The following MZT2B variants were observed in gnomAD, a reference collection of about 807,000 sequenced individuals.
The protein encoded by MZT2B is mitotic spindle organizing protein 2B.
A neutral mutation model predicts 12.1 loss-of-function variants in MZT2B; 11 were observed. That is an observed-to-expected ratio of 0.91 (90% CI 0.57 to 1.50). The LOEUF (loss-of-function observed/expected upper bound fraction) is 1.50, where lower values mean the gene tolerates loss of function less well. Among genes scored for constraint, MZT2B ranks in the 40% most tolerant of loss-of-function variants. MZT2B has a pLI of 0.00. For synonymous variants in MZT2B, 85 were observed against 109.5 expected (o/e 0.78, Z 1.40); for missense variants, 209 against 227.7 (o/e 0.92, Z 0.53).
At chr2:130,195,184 C>G, downstream of MZT2B, 1 of 1,614,072 alleles carries the variant, frequency 6.2e-7, no homozygotes, top group African/African-American at 1.3e-5. Flanking sequence ...TGATCAGCTG[C>G]TCTGGGTGGA....
chr2:130,204,458 A>T, the MZT2B span: 1 of 355,720 alleles, frequency 2.8e-6, no homozygotes, highest in Non-Finnish European at 5.7e-6. Context: ...TGGGAGGTCG[A>T]GGCGGGTGGA....
At chr2:130,201,308 C>T in the MZT2B span, among the ~76,000 whole-genome samples, 1 of 152,210 alleles carries the variant, frequency 6.6e-6, no homozygotes, top group Non-Finnish European at 1.5e-5. Context: ...CTAAAAAATA[C>T]CACTGACTGA....
At chr2:130,195,024 C>G (rs772563328), downstream of MZT2B, 25 of 1,598,606 alleles carry the variant, frequency 1.6e-5, no homozygotes, top group Non-Finnish European at 2.0e-5. Flanking sequence ...TTTCACATTC[C>G]AAGAACTACC....
At chr2:130,199,923 CTG>C in the MZT2B span, among the ~76,000 whole-genome samples, 37 of 152,010 alleles carry the variant, frequency 2.4e-4, no homozygotes, top group East Asian at 4.5e-3. Flanking sequence ...TGATGAAACC[CTG>C]TTTCTACTAA....
downstream of MZT2B, among the ~76,000 whole-genome samples, chr2:130,195,535 A>T (rs1337248171): frequency 1.3e-5 from 2 of 152,240 alleles, no homozygotes; most frequent in Admixed American, 6.5e-5. Flanking sequence ...ACGTGTAGCT[A>T]CATCAAAGGC....
At chr2:130,192,103 TG>T (rs1235817067), downstream of MZT2B, 1 of 1,601,308 alleles carries the variant, frequency 6.2e-7, no homozygotes, top group Non-Finnish European at 8.5e-7. Flanking sequence ...GGGACCACTG[TG>T]GGGGGCTGGT....
At chr2:130,195,137 C>T (rs1240614523), downstream of MZT2B, 1 of 1,613,442 alleles carries the variant, frequency 6.2e-7, no homozygotes, top group Non-Finnish European at 8.5e-7. Flanking sequence ...GGTGTAATGG[C>T]CCCTGGCGTA....
chr2:130,199,360 C>A, the MZT2B span, among the ~76,000 whole-genome samples: 2 of 121,456 alleles, frequency 1.6e-5, no homozygotes, highest in African/African-American at 2.9e-5. Flanking sequence ...GCCTGGGCAA[C>A]GTGGTGAGTC....
chr2:130,196,326 C>T, the MZT2B span: 12 of 1,614,002 alleles, frequency 7.4e-6, no homozygotes, highest in Middle Eastern at 1.6e-4. Flanking sequence ...CAGGCATTGC[C>T]GATCTGGACA....
chr2:130,187,389 G>C (rs531322184), intron 2 of MZT2B, among the ~76,000 whole-genome samples: 6 of 152,136 alleles, frequency 3.9e-5, no homozygotes, highest in Non-Finnish European at 7.3e-5. Flanking sequence ...AGGTCTCACT[G>C]TGTTGTCCCA....
chr2:130,196,201 A>C, the MZT2B span: 4 of 1,613,990 alleles, frequency 2.5e-6, no homozygotes, highest in Non-Finnish European at 3.4e-6. Flanking sequence ...CGTGCTTGCC[A>C]GCTCCAGTCT....
At chr2:130,194,258 A>G (rs745886645), downstream of MZT2B, 1 of 1,605,094 alleles carries the variant, frequency 6.2e-7, no homozygotes, top group South Asian at 1.1e-5. Context: ...AGAATGTTCC[A>G]GGGTCGTGTG....
downstream of MZT2B, chr2:130,191,892 T>A (rs149095256): frequency 1.2e-6 from 2 of 1,613,658 alleles, no homozygotes; most frequent in Non-Finnish European, 1.7e-6. Flanking sequence ...CTCTTCACAA[T>A]CCTTCTCTAG....
intron 2 of MZT2B, among the ~76,000 whole-genome samples, chr2:130,188,545 G>A (rs1192619197): frequency 6.6e-6 from 1 of 152,144 alleles, no homozygotes; most frequent in Non-Finnish European, 1.5e-5. Flanking sequence ...CACCCACCAC[G>A]TGTTCCTGAC....
the MZT2B span, chr2:130,204,098 T>C: frequency 7.8e-7 from 1 of 1,287,258 alleles, no homozygotes; most frequent in Non-Finnish European, 1.0e-6. Flanking sequence ...TTTAATATAG[T>C]GTAAGACTAA....
intron 2 of MZT2B, among the ~76,000 whole-genome samples, chr2:130,189,533 A>G (rs1429572685): frequency 1.3e-5 from 2 of 152,170 alleles, no homozygotes; most frequent in East Asian, 1.9e-4. Context: ...TAGAGCCCAC[A>G]GGCCAGACCC....
At chr2:130,191,935 C>T, downstream of MZT2B, 1 of 1,614,116 alleles carries the variant, frequency 6.2e-7, no homozygotes, top group East Asian at 2.2e-5. Context: ...TCAGAGAACT[C>T]TCCCTCTTCC....
At chr2:130,193,057 C>T (rs1378804916), downstream of MZT2B, among the ~76,000 whole-genome samples, 9 of 148,842 alleles carry the variant, frequency 6.0e-5, no homozygotes, top group Admixed American at 2.0e-4. Flanking sequence ...CGTGCCACTG[C>T]ATTCCAACCT....
At chr2:130,184,208 C>G in intron 2 of MZT2B, 3 of 1,424,008 alleles carry the variant, frequency 2.1e-6, no homozygotes, top group Non-Finnish European at 2.7e-6. Context: ...CCCCACACCC[C>G]AGAGGCGAAC....
Sources: allele counts gnomAD v4.1 joint callset (sites outside exome capture counted in the v4.1 genomes callset), GRCh38; gene constraint gnomAD v4.1.1; transcripts MANE v1.5; gene names NCBI Gene and HGNC (gene_info 2026-07-23, HGNC 2026-07-21).